PTPRQ: variants seen among roughly 807,000 people sequenced by gnomAD.
PTPRQ encodes the protein protein tyrosine phosphatase receptor type Q.
PTPRQ carries 199 observed loss-of-function variants against 246.0 expected under a neutral mutation model. The ratio of observed to expected loss-of-function variants is 0.81; its 90% CI spans 0.72 to 0.91. PTPRQ has a LOEUF of 0.91. Ranked by LOEUF, PTPRQ falls within the 40% of genes least tolerant of loss-of-function variation. The pLI is 0.00. For synonymous variants in PTPRQ, 869 were observed against 853.2 expected (o/e 1.02, Z -0.32); for missense variants, 2,624 against 2,528.4 (o/e 1.04, Z -0.81).
chr12:80,493,509 A>G, intron 10 of PTPRQ, 54 bp downstream of exon 10: 1 of 1,492,972 alleles, frequency 6.7e-7, no homozygotes, highest in Non-Finnish European at 8.9e-7. Context: ...AGTGCTAGCT[A>G]GCACAGAAAT....
Position 80,496,213 on chromosome 12 carries a change from A to G in PTPRQ, c.1991-37A>G, listed in dbSNP as rs538162665. The G allele has an allele frequency of 3.0e-5, 46 of 1,542,622 alleles. 1 individual carries two copies. In the South Asian group the frequency reaches 5.4e-4, roughly 18 times the overall value. ...GGTCTAAAGCAACAAACATCAATAA[A>G]AATATAGGTACTACAAATGTTCTTT... On this transcript the variant is annotated intron_variant, in intron 13 of 44. Coordinates refer to ENST00000644991, the MANE Select transcript of PTPRQ (RefSeq NM_001145026.2).
chr12:80,616,279 G>T lies in PTPRQ; in HGVS notation c.5230+13G>T. Reference sequence around the variant, plus strand: ...ATGGATATCAAAGGTACATACATGAGCTACCTTCCTATGAAATGCTATTAA... The same window carrying T: ...ATGGATATCAAAGGTACATACATGATCTACCTTCCTATGAAATGCTATTAA... On this transcript the variant is annotated intron_variant, in intron 30 of 44. Transcript: ENST00000644991. 4 of 1,462,338 alleles carry T rather than the reference G, an allele frequency of 2.7e-6. No individual in the cohort carries two copies. The highest frequency in any genetic ancestry group is 3.6e-6 in the Non-Finnish European group (4 of 1,105,278). The allele number at this position is 1,462,338 out of a possible 1,614,324, so 90.6% of individuals were successfully genotyped here. A position where few individuals can be genotyped will look rare whatever the true frequency, so the allele number is the denominator to read the frequency against.
intron 35 of PTPRQ, among the ~76,000 whole-genome samples, chr12:80,636,864 A>G (rs1293617351): frequency 6.6e-6 from 1 of 152,208 alleles, no homozygotes; most frequent in Admixed American, 6.5e-5. Flanking sequence ...CGAAGAGGTT[A>G]CATTCGAGGC....
intron 26 of PTPRQ, among the ~76,000 whole-genome samples, chr12:80,603,746 C>T (rs1438801257): frequency 6.6e-6 from 1 of 151,424 alleles, no homozygotes; most frequent in Admixed American, 6.6e-5. Context: ...CCTAACCCTG[C>T]TCTATCCTTC....
At chr12:80,578,060 G>A (rs1303410424) in intron 25 of PTPRQ, among the ~76,000 whole-genome samples, 1 of 151,530 alleles carries the variant, frequency 6.6e-6, no homozygotes, top group Admixed American at 6.6e-5. Flanking sequence ...TTTTTTTTTG[G>A]ATTTTTTTAA....
At chr12:80,549,339 A>G in intron 24 of PTPRQ, 126 bp from the exon 25 acceptor site, 1 of 1,221,610 alleles carries the variant, frequency 8.2e-7, no homozygotes, top group African/African-American at 1.5e-5. Flanking sequence ...GCACACATTG[A>G]AAATTTGATA....
chr12:80,599,428 G>A (rs976497714), intron 26 of PTPRQ, among the ~76,000 whole-genome samples: 7 of 151,954 alleles, frequency 4.6e-5, no homozygotes, highest in East Asian at 1.9e-4. Flanking sequence ...AGTTTATGGG[G>A]AGACAAACAA....
At chr12:80,504,569 T>C (rs940540750) in intron 14 of PTPRQ, among the ~76,000 whole-genome samples, 1 of 151,784 alleles carries the variant, frequency 6.6e-6, no homozygotes, top group Non-Finnish European at 1.5e-5. Flanking sequence ...GCTTGTGTGT[T>C]TAGCGATTTT....
intron 25 of PTPRQ, among the ~76,000 whole-genome samples, chr12:80,561,771 CT>C (rs1896834337): frequency 6.6e-6 from 1 of 151,972 alleles, no homozygotes; most frequent in Non-Finnish European, 1.5e-5. Context: ...ATCTGTATGC[CT>C]TTTGTTTTTT....
At chr12:80,642,327 A>G (rs1899894775) in intron 35 of PTPRQ, among the ~76,000 whole-genome samples, 1 of 152,150 alleles carries the variant, frequency 6.6e-6, no homozygotes, top group African/African-American at 2.4e-5. Flanking sequence ...TCAGGGCCCC[A>G]TCCATCTCTT....
At position 80,542,834 on chromosome 12, in the gene PTPRQ, T is replaced by TATA; in HGVS notation, c.3827_3829dup (p.Tyr1276_Ser1277insAsn). 1 of 1,545,210 alleles carries TATA rather than the reference T, an allele frequency of 6.5e-7. No homozygotes were observed. The highest frequency in any genetic ancestry group is 8.7e-7 in the Non-Finnish European group (1 of 1,144,212). ...TCTTCCAGGTGGTATTGTTAAAGTA[T>TATA]ATAGTTTTAAAATTCATGAACATGA... On this transcript the variant is annotated inframe_insertion, in exon 23 of 45. Transcript: ENST00000644991.
At chr12:80,506,767 G>A (rs1894973955) in intron 16 of PTPRQ, 97 bp downstream of exon 16, 2 of 1,077,014 alleles carry the variant, frequency 1.9e-6, no homozygotes, top group Admixed American at 2.9e-5. Context: ...TCTAGTCATG[G>A]GTATCAGTTG....
At chr12:80,541,271 GCACA>G (rs987042966) in intron 20 of PTPRQ, among the ~76,000 whole-genome samples, 6 of 151,186 alleles carry the variant, frequency 4.0e-5, no homozygotes, top group African/African-American at 9.7e-5. Context: ...GCACACACAC[GCACA>G]CACACACAAT....
chr12:80,528,728 A>G (rs1009099093), intron 17 of PTPRQ, among the ~76,000 whole-genome samples: 4 of 152,202 alleles, frequency 2.6e-5, no homozygotes, highest in Admixed American at 2.6e-4. Flanking sequence ...CAACTCATTT[A>G]CATCCATTCT....
At position 80,482,361 on chromosome 12, in the gene PTPRQ, T is replaced by C. The variant is rs1191501290; in HGVS notation, c.1187-2072T>C. ...AACTGGATCCCTTCCTTACACCTTATACAAAAATTAATTCAAGATGGATTA... is the reference window on the plus strand; with the variant it reads ...AACTGGATCCCTTCCTTACACCTTACACAAAAATTAATTCAAGATGGATTA... On this transcript the variant is annotated intron_variant, in intron 8 of 44. Coordinates refer to ENST00000644991, the MANE Select transcript of PTPRQ (RefSeq NM_001145026.2). 9.2e-5 allele frequency among the ~76,000 whole-genome samples: 14 copies of C among 152,118 alleles called. No individual in the cohort carries two copies. The South Asian group carries it at 1.9e-3, about 20-fold the overall frequency.
intron 19 of PTPRQ, among the ~76,000 whole-genome samples, chr12:80,536,782 A>G (rs1321392861): frequency 6.6e-6 from 1 of 152,224 alleles, no homozygotes; most frequent in Non-Finnish European, 1.5e-5. Context: ...TACAATTGTA[A>G]CAATATGTCA....
intron 17 of PTPRQ, among the ~76,000 whole-genome samples, chr12:80,527,792 C>T (rs191075484): frequency 4.0e-5 from 6 of 151,672 alleles, no homozygotes; most frequent in East Asian, 3.9e-4. Context: ...CTGAGACCAG[C>T]GTGGGCACCA....
At chr12:80,614,476 G>A (rs956787576) in intron 29 of PTPRQ, among the ~76,000 whole-genome samples, 2 of 150,850 alleles carry the variant, frequency 1.3e-5, no homozygotes, top group Non-Finnish European at 3.0e-5. Context: ...TCTTCAAGTA[G>A]TTTAGTAATC....
chr12:80,450,938 GT>G (rs1565711673), intron 3 of PTPRQ, among the ~76,000 whole-genome samples: 1 of 152,204 alleles, frequency 6.6e-6, no homozygotes, highest in Non-Finnish European at 1.5e-5. Flanking sequence ...GATTGGAATA[GT>G]TTCAGAAGGA....
Sources: allele counts gnomAD v4.1 joint callset (sites outside exome capture counted in the v4.1 genomes callset), GRCh38; gene constraint gnomAD v4.1.1; transcripts MANE v1.5; gene names NCBI Gene and HGNC (gene_info 2026-07-23, HGNC 2026-07-21).